Variants in ANXA4 observed in about 807,000 individuals in gnomAD.
ANXA4 encodes annexin A4.
In ANXA4, 39 loss-of-function variants were observed where a neutral mutation model predicts 49.8. The observed-to-expected ratio is 0.78, with a 90% CI of 0.61 to 1.02. The LOEUF (loss-of-function observed/expected upper bound fraction) is 1.02. ANXA4 is among the 50% of genes least tolerant of loss of function. The pLI, the probability that ANXA4 is intolerant of heterozygous loss-of-function variation, is 0.00. For synonymous variants in ANXA4, 134 were observed against 152.5 expected, an observed-to-expected ratio of 0.88 and a Z score of 0.89; for missense variants, 360 against 410.1, an observed-to-expected ratio of 0.88 and a Z score of 1.05.
At chr2:69,796,824 C>T (rs1444482243) in intron 3 of ANXA4, among the ~76,000 whole-genome samples, 1 of 152,098 alleles carries the variant, frequency 6.6e-6, no homozygotes, top group African/African-American at 2.4e-5. Flanking sequence ...AAAACTTGCT[C>T]TTCTAACTTA....
At chr2:69,703,360 T>G (rs977827659) in intron 2 of ANXA4, among the ~76,000 whole-genome samples, 1 of 152,156 alleles carries the variant, frequency 6.6e-6, no homozygotes, top group Non-Finnish European at 1.5e-5. Flanking sequence ...ATTATCTAAT[T>G]TTACATTTTT....
intron 2 of ANXA4, among the ~76,000 whole-genome samples, chr2:69,720,375 C>T (rs1203804548): frequency 6.6e-6 from 1 of 152,168 alleles, no homozygotes; most frequent in Non-Finnish European, 1.5e-5. Flanking sequence ...TTCAAAGGCT[C>T]ATAGGTGAAA....
Position 69,826,169 on chromosome 2 carries a change from A to T in ANXA4, c.*654A>T, listed in dbSNP as rs796908641. 6 of 152,696 alleles carry T rather than the reference A, an allele frequency of 3.9e-5. No individual in the cohort carries two copies. Among genetic ancestry groups the T allele is most frequent in the African/African-American group, 1.4e-4 (6 of 41,464 alleles). 9.5% of individuals were successfully genotyped at this position (152,696 alleles called of 1,614,324 possible). ...ACTAAATTCTAAAGTATGGTTATAC[A>T]AACCATATACATCTGGTTACCAAAC... On this transcript the variant is annotated 3_prime_UTR_variant, in exon 13 of 13. Transcript: ENST00000394295.
chr2:69,678,611 G>T (rs1328441743), intron 2 of ANXA4, among the ~76,000 whole-genome samples: 1 of 151,678 alleles, frequency 6.6e-6, no homozygotes, highest in Non-Finnish European at 1.5e-5. Flanking sequence ...TGCCCAGGCT[G>T]GTCTCCAACT....
At chr2:69,703,656 A>G (rs1420274945) in intron 2 of ANXA4, among the ~76,000 whole-genome samples, 1 of 152,240 alleles carries the variant, frequency 6.6e-6, no homozygotes, top group East Asian at 1.9e-4. Flanking sequence ...TAGTCCTGCC[A>G]TAGTCTCAAC....
At chr2:69,684,784 A>C (rs7576953) in intron 2 of ANXA4, among the ~76,000 whole-genome samples, 2 of 151,942 alleles carry the variant, frequency 1.3e-5, no homozygotes, top group African/African-American at 2.4e-5. Context: ...GAGATCTTCA[A>C]TTCTCTTCTG....
At chr2:69,692,870 C>T (rs1678021109) in intron 2 of ANXA4, among the ~76,000 whole-genome samples, 1 of 152,090 alleles carries the variant, frequency 6.6e-6, no homozygotes, top group Admixed American at 6.5e-5. Context: ...CTCATGAATC[C>T]TCAAAGCAAT....
intron 1 of ANXA4, among the ~76,000 whole-genome samples, chr2:69,757,273 T>A (rs1250738986): frequency 4.2e-4 from 41 of 98,728 alleles, no homozygotes; most frequent in African/African-American, 2.9e-3. Context: ...TATATTTTTT[T>A]TTTTTTTTTT....
At chr2:69,812,820 A>T in intron 8 of ANXA4, 111 bp downstream of exon 8, 1 of 925,246 alleles carries the variant, frequency 1.1e-6, no homozygotes, top group Non-Finnish European at 1.7e-6. Context: ...CCAGGCTTGG[A>T]TATGTTCTTT....
intron 10 of ANXA4, 120 bp downstream of exon 10, chr2:69,818,814 C>G: frequency 1.6e-6 from 1 of 623,156 alleles, no homozygotes; most frequent in Non-Finnish European, 2.8e-6. Flanking sequence ...ATGAATCACT[C>G]ATGTTACATT....
chr2:69,817,896 C>G (rs555649422), intron 9 of ANXA4: 8 of 152,242 alleles, frequency 5.3e-5, no homozygotes, highest in Admixed American at 3.9e-4. Context: ...CGGGTCCTGA[C>G]TGGGTCAACT....
intron 2 of ANXA4, among the ~76,000 whole-genome samples, chr2:69,656,133 C>T (rs1458373975): frequency 2.0e-5 from 3 of 150,014 alleles, no homozygotes; most frequent in African/African-American, 7.4e-5. Context: ...ATGTAACAAA[C>T]CTGCACGTTA....
At chr2:69,675,401 A>G (rs1032302808) in intron 2 of ANXA4, among the ~76,000 whole-genome samples, 7 of 152,252 alleles carry the variant, frequency 4.6e-5, no homozygotes, top group Non-Finnish European at 8.8e-5. Context: ...ACTCTATCAC[A>G]TATGTATTTA....
chr2:69,796,940 T>G (rs974607989), intron 3 of ANXA4, among the ~76,000 whole-genome samples: 3 of 152,176 alleles, frequency 2.0e-5, no homozygotes, highest in Admixed American at 1.3e-4. Flanking sequence ...AAAGAAAGCC[T>G]GTGCATAGGG....
At position 69,804,589 on chromosome 2, in the gene ANXA4, C is replaced by T. The variant is rs1673359138; in HGVS notation, c.154C>T (p.Gln52Ter). The part of the protein sequence containing the change: ...VLAYRNTAQR[Q>*]EIRTAYKSTI... ...TGCCTACCGCAACACCGCCCAGCGC[C>T]AGGAGATCAGGACAGCCTACAAGAG... Residue 52 changes from glutamine (Q) to a stop codon, truncating the protein, a stop_gained, in exon 4 of 13, where the codon CAG becomes TAG. Transcript: ENST00000394295. LOFTEE classifies it high-confidence loss of function. 6.2e-7 allele frequency: 1 copy of T among 1,613,898 alleles called. No homozygotes were observed. The highest frequency in any genetic ancestry group is 1.3e-5 in the African/African-American group (1 of 75,042).
chr2:69,716,722 T>C (rs115198353), intron 2 of ANXA4, among the ~76,000 whole-genome samples: 2,139 of 152,168 alleles, frequency 0.014, 29 homozygotes, highest in Non-Finnish European at 0.02. Flanking sequence ...GAGCTCAGGA[T>C]GGAAAATGAC....
chr2:69,660,889 T>C (rs1265397291), intron 2 of ANXA4, among the ~76,000 whole-genome samples: 1 of 151,540 alleles, frequency 6.6e-6, no homozygotes, highest in African/African-American at 2.4e-5. Context: ...AGGGGGAAGA[T>C]GACAATGGCT....
In ANXA4 at chr2:69,821,644, GT is replaced by G. The variant is rs1674250264; in HGVS notation, c.906+826del. 2.6e-5 allele frequency among the ~76,000 whole-genome samples: 4 copies of G among 152,086 alleles called. No individual in the cohort carries two copies. The South Asian group carries it at 8.3e-4, about 32-fold the overall frequency. On this transcript the variant is annotated intron_variant, in intron 12 of 12. Transcript: ENST00000394295. ...GCTTTGTATTTTTTGTAGAAATGGC[GT>G]TTCACCATGTTGGCCAGGCTAGTCT...
intron 12 of ANXA4, among the ~76,000 whole-genome samples, chr2:69,822,039 G>T (rs1259496104): frequency 6.6e-6 from 1 of 152,124 alleles, no homozygotes; most frequent in Non-Finnish European, 1.5e-5. Flanking sequence ...AGTCTGTTAC[G>T]AAACTTTAAG....
Sources: allele counts gnomAD v4.1 joint callset (sites outside exome capture counted in the v4.1 genomes callset), GRCh38; gene constraint gnomAD v4.1.1; transcripts MANE v1.5; gene names NCBI Gene and HGNC (gene_info 2026-07-23, HGNC 2026-07-21).